The following MAPRE2 variants were observed in gnomAD, a reference collection of about 807,000 sequenced individuals.
MAPRE2 encodes the protein microtubule-associated protein RP/EB family member 2.
MAPRE2 carries 13 observed loss-of-function variants against 43.2 expected under a neutral mutation model. That is an observed-to-expected ratio of 0.30 (90% CI 0.20 to 0.48). MAPRE2 has a LOEUF of 0.48. Among genes scored for constraint, MAPRE2 ranks in the 20% least tolerant of loss-of-function variants. The probability of loss-of-function intolerance (pLI) is 0.99; values close to 1 mark genes in which losing one functional copy is unlikely to be tolerated. For missense variants in MAPRE2, 161 were observed against 400.2 expected (o/e 0.40, Z 5.10); for synonymous variants, 135 against 148.8 (o/e 0.91, Z 0.68).
chr18:35,047,565 A>G (rs926663595), intron 1 of MAPRE2, among the ~76,000 whole-genome samples: 2 of 152,204 alleles, frequency 1.3e-5, no homozygotes, highest in African/African-American at 4.8e-5. Context: ...TTTACCTTAT[A>G]GCATAAATCA....
At chr18:35,080,428 C>T (rs928649825) in intron 2 of MAPRE2, among the ~76,000 whole-genome samples, 20 of 152,124 alleles carry the variant, frequency 1.3e-4, no homozygotes, top group South Asian at 4.2e-4. Context: ...TCTCAGCTTA[C>T]CTGAGTATGA....
intron 4 of MAPRE2, among the ~76,000 whole-genome samples, chr18:35,117,455 A>G (rs763089167): frequency 1.3e-4 from 20 of 152,220 alleles, no homozygotes; most frequent in Non-Finnish European, 2.4e-4. Flanking sequence ...AAGACATTAT[A>G]CACTTAGTAC....
chr18:34,981,288 C>T (rs971018222), intron 1 of MAPRE2, among the ~76,000 whole-genome samples: 4 of 151,456 alleles, frequency 2.6e-5, no homozygotes, highest in African/African-American at 7.3e-5. Flanking sequence ...GTGAGAGGAT[C>T]GCTTGAATCT....
chr18:35,132,893 G>A (rs1302229064), intron 6 of MAPRE2, among the ~76,000 whole-genome samples: 1 of 152,194 alleles, frequency 6.6e-6, no homozygotes, highest in African/African-American at 2.4e-5. Context: ...AAGGCACCCC[G>A]GGTCTGCCAG....
chr18:34,998,106 G>T (rs1357400496), intron 1 of MAPRE2, among the ~76,000 whole-genome samples: 1 of 151,954 alleles, frequency 6.6e-6, no homozygotes, highest in African/African-American at 2.4e-5. Flanking sequence ...TTCTATCAAG[G>T]AATTTAGTTA....
chr18:35,089,442 G>T (rs2144146946), intron 2 of MAPRE2, among the ~76,000 whole-genome samples: 1 of 152,156 alleles, frequency 6.6e-6, no homozygotes, highest in Non-Finnish European at 1.5e-5. Context: ...ATATAGAAAG[G>T]ATTCTTACAA....
At chr18:34,981,860 ATTTAT>A (rs1270649694) in intron 1 of MAPRE2, among the ~76,000 whole-genome samples, 1 of 97,566 alleles carries the variant, frequency 1.0e-5, no homozygotes, top group Non-Finnish European at 2.3e-5. Flanking sequence ...CAGCGACTTT[ATTTAT>A]TTTTTTTTTT....
chr18:35,074,873 T>C (rs1266319556), intron 2 of MAPRE2, among the ~76,000 whole-genome samples: 1 of 151,526 alleles, frequency 6.6e-6, no homozygotes, highest in Non-Finnish European at 1.5e-5. Context: ...GGACTGTCAC[T>C]GTCTGTCACT....
At chr18:34,981,777 G>A (rs1392949175) in intron 1 of MAPRE2, among the ~76,000 whole-genome samples, 1 of 151,858 alleles carries the variant, frequency 6.6e-6, no homozygotes, top group African/African-American at 2.4e-5. Context: ...TGGAGGCTTT[G>A]GCTACACAAG....
intron 2 of MAPRE2, among the ~76,000 whole-genome samples, chr18:35,007,384 G>A (rs140757707): frequency 1.4e-4 from 21 of 152,326 alleles, no homozygotes; most frequent in African/African-American, 5.1e-4. Flanking sequence ...TATCTAAATA[G>A]GGTGTTGCTT....
chr18:34,985,409 A>ATTT (rs2097019793), intron 1 of MAPRE2, among the ~76,000 whole-genome samples: 1 of 48,330 alleles, frequency 2.1e-5, no homozygotes, highest in African/African-American at 8.1e-5. Flanking sequence ...ATAATATATT[A>ATTT]TAAATATAAT....
At chr18:35,026,372 T>C (rs1447339753) in intron 2 of MAPRE2, among the ~76,000 whole-genome samples, 1 of 152,216 alleles carries the variant, frequency 6.6e-6, no homozygotes, top group Non-Finnish European at 1.5e-5. Context: ...TCTAAACCAA[T>C]GGCCGCAACC....
At chr18:34,982,025 C>A (rs934237927) in intron 1 of MAPRE2, among the ~76,000 whole-genome samples, 4 of 151,668 alleles carry the variant, frequency 2.6e-5, no homozygotes, top group African/African-American at 9.7e-5. Context: ...GCTGGGACTA[C>A]AGCCCCCGCC....
intron 4 of MAPRE2, among the ~76,000 whole-genome samples, chr18:35,108,827 T>C (rs1193054218): frequency 6.6e-6 from 1 of 152,194 alleles, no homozygotes; most frequent in Admixed American, 6.5e-5. Context: ...TGGGGTTTTT[T>C]CTTTCTTGTA....
chr18:35,120,949 T>C (rs1909640611), intron 4 of MAPRE2, among the ~76,000 whole-genome samples: 1 of 152,174 alleles, frequency 6.6e-6, no homozygotes, highest in Non-Finnish European at 1.5e-5. Flanking sequence ...AAAATTGGGA[T>C]TGACCATGAC....
intron 2 of MAPRE2, among the ~76,000 whole-genome samples, chr18:35,088,356 T>A (rs1057163848): frequency 7.2e-5 from 11 of 152,122 alleles, no homozygotes; most frequent in Non-Finnish European, 1.6e-4. Flanking sequence ...ATCTGAAGTG[T>A]TCTAGGAACA....
At chr18:35,086,962 C>T (rs1907910214) in intron 2 of MAPRE2, among the ~76,000 whole-genome samples, 1 of 152,036 alleles carries the variant, frequency 6.6e-6, no homozygotes, top group Non-Finnish European at 1.5e-5. Context: ...CTGAAAATTT[C>T]CACTTTAAAA....
At chr18:35,057,700 G>C (rs1012179825) in intron 1 of MAPRE2, among the ~76,000 whole-genome samples, 2 of 152,098 alleles carry the variant, frequency 1.3e-5, no homozygotes, top group African/African-American at 4.8e-5. Flanking sequence ...AAGAGTACCA[G>C]AAGAATAGGG....
At chr18:35,036,140 C>T (rs2097050457) in intron 2 of MAPRE2, among the ~76,000 whole-genome samples, 3 of 151,708 alleles carry the variant, frequency 2.0e-5, no homozygotes, top group Admixed American at 2.0e-4. Flanking sequence ...ATCTACTTGG[C>T]CACTCAAGCC....
Sources: gnomAD v4.1 joint callset for allele counts (sites outside exome capture counted in the v4.1 genomes callset) on GRCh38, gnomAD v4.1.1 for gene constraint, MANE v1.5 for transcripts, NCBI Gene and HGNC (gene_info 2026-07-23, HGNC 2026-07-21) for gene names.